The following TAF2 variants were observed in gnomAD, a reference collection of about 807,000 sequenced individuals.
TAF2 encodes the protein TATA-box binding protein associated factor 2.
TAF2 carries 61 observed loss-of-function variants against 138.5 expected under a neutral mutation model. That is an observed-to-expected ratio of 0.44 (90% CI 0.36 to 0.54). The LOEUF is 0.54. Ranked by LOEUF, TAF2 falls within the 20% of genes least tolerant of loss-of-function variation. The pLI is 0.00. For synonymous variants in TAF2, 475 were observed against 469.9 expected, an observed-to-expected ratio of 1.01 and a Z score of -0.14; for missense variants, 1,090 against 1,427.9, an observed-to-expected ratio of 0.76 and a Z score of 3.81.
intron 25 of TAF2, among the ~76,000 whole-genome samples, chr8:119,734,222 C>T (rs905660610): frequency 2.0e-5 from 3 of 151,970 alleles, no homozygotes; most frequent in African/African-American, 7.3e-5. Flanking sequence ...ACTGACAGTA[C>T]AAAAGATAAA....
chr8:119,773,092 CAA>C (rs34234495), intron 18 of TAF2, among the ~76,000 whole-genome samples: 34 of 135,786 alleles, frequency 2.5e-4, no homozygotes, highest in African/African-American at 6.0e-4. Flanking sequence ...TGGATTTTCT[CAA>C]AAAAAAAAAA....
chr8:119,788,979 T>G (rs980251847), intron 12 of TAF2, 75 bp from the exon 13 acceptor site: 2 of 1,024,488 alleles, frequency 2.0e-6, no homozygotes, highest in Non-Finnish European at 3.1e-6. Context: ...CATCATGGTA[T>G]TAATAATTTT....
chr8:119,800,209 G>A (rs1401720053), intron 6 of TAF2, among the ~76,000 whole-genome samples: 2 of 152,154 alleles, frequency 1.3e-5, no homozygotes, highest in Admixed American at 6.6e-5. Context: ...TAGATAAGAA[G>A]TCCTTGCCCA....
chr8:119,806,549 A>T, intron 3 of TAF2, 148 bp from the exon 4 acceptor site: 2 of 647,338 alleles, frequency 3.1e-6, no homozygotes, highest in African/African-American at 1.9e-5. Context: ...AACTCACTGC[A>T]ACCTCCACCT....
intron 2 of TAF2, among the ~76,000 whole-genome samples, chr8:119,828,796 T>C (rs897361821): frequency 1.3e-5 from 2 of 152,222 alleles, no homozygotes; most frequent in Non-Finnish European, 2.9e-5. Flanking sequence ...CTGTCATCTC[T>C]CACACTAACA....
Position 119,770,951 on chromosome 8 carries a change from G to A in TAF2, c.2364+7068C>T, listed in dbSNP as rs140449981. Reference sequence around the variant, plus strand: ...CTGGGCCTGGTGGCATGCACCTGTAGTCCCAGCTACACAGGAGGCTGAGGC... The same window carrying A: ...CTGGGCCTGGTGGCATGCACCTGTAATCCCAGCTACACAGGAGGCTGAGGC... On this transcript the variant is annotated intron_variant, in intron 18 of 25. Transcript: ENST00000378164. Among the ~76,000 whole-genome samples, 13 of 152,196 alleles carry A rather than the reference G, an allele frequency of 8.5e-5. No individual in the cohort carries two copies. The East Asian group carries it at 2.5e-3, about 30-fold the overall frequency.
At chr8:119,783,885 T>C (rs1188597540) in intron 15 of TAF2, among the ~76,000 whole-genome samples, 2 of 152,168 alleles carry the variant, frequency 1.3e-5, no homozygotes, top group South Asian at 4.1e-4. Flanking sequence ...AATAAGAAAA[T>C]ATTAATTGTC....
intron 3 of TAF2, among the ~76,000 whole-genome samples, chr8:119,807,969 C>T (rs562056986): frequency 3.6e-4 from 55 of 151,954 alleles, no homozygotes; most frequent in African/African-American, 1.2e-3. Context: ...ACATATTCTA[C>T]GGAATAATTA....
chr8:119,786,485 T>C (rs1016796791), intron 14 of TAF2, among the ~76,000 whole-genome samples: 1 of 152,062 alleles, frequency 6.6e-6, no homozygotes, highest in Non-Finnish European at 1.5e-5. Flanking sequence ...TCAAACAAAA[T>C]GAGGATTCTT....
At chr8:119,793,196 T>C (rs917964315) in intron 10 of TAF2, among the ~76,000 whole-genome samples, 170 bp downstream of exon 10, 1 of 152,192 alleles carries the variant, frequency 6.6e-6, no homozygotes, top group African/African-American at 2.4e-5. Context: ...ATTTTACTTA[T>C]TACTTCCAAT....
At chr8:119,743,292 C>A (rs1819728486) in intron 24 of TAF2, among the ~76,000 whole-genome samples, 2 of 147,798 alleles carry the variant, frequency 1.4e-5, no homozygotes, top group Admixed American at 6.7e-5. Flanking sequence ...TTAAAAAATT[C>A]AAAAAAGAAG....
rs752900575 is a variant in TAF2, at chr8:119,819,399, A to G, written c.246T>C (p.Ala82=). Residue 82 remains alanine (A), a synonymous_variant, in exon 3 of 26, where the codon GCT becomes GCC. Coordinates refer to ENST00000378164, the MANE Select transcript of TAF2 (RefSeq NM_003184.4). ...IYRVRINDLE[A]AFIYNDPTLE... ...AGGTTGGGTCATTATAAATAAAAGC[A>G]GCCTCTAAATCATTGATCCTTACTC... is the stretch of plus-strand genomic sequence containing the variant. The G allele has an allele frequency of 5.6e-6, 9 of 1,613,090 alleles. No individual in the cohort carries two copies. The highest frequency in any genetic ancestry group is 6.8e-6 in the Non-Finnish European group (8 of 1,179,686).
rs1202940029 is a variant in TAF2, at chr8:119,731,726, C to G, written c.*198G>C. The G allele has an allele frequency of 3.2e-6, 2 of 616,500 alleles. No homozygotes were observed. The highest frequency in any genetic ancestry group is 5.7e-6 in the Non-Finnish European group (2 of 351,766). 38.2% of individuals were successfully genotyped at this position (616,500 alleles called of 1,614,324 possible). ...AGCGGATGAAATAGTTTATCCAGAA[C>G]TACAAAACACATTTTCCTAATTAGA... On this transcript the variant is annotated 3_prime_UTR_variant, in exon 26 of 26. Coordinates refer to ENST00000378164, the MANE Select transcript of TAF2 (RefSeq NM_003184.4).
intron 3 of TAF2, among the ~76,000 whole-genome samples, chr8:119,817,511 T>G (rs1164367642): frequency 1.3e-5 from 2 of 152,168 alleles, no homozygotes; most frequent in African/African-American, 4.8e-5. Context: ...AACTGCTGAT[T>G]TAGAACACTA....
chr8:119,748,374 C>T (rs932937658), intron 22 of TAF2, among the ~76,000 whole-genome samples: 4 of 150,914 alleles, frequency 2.7e-5, no homozygotes, highest in Admixed American at 6.6e-5. Flanking sequence ...ATTAATTATA[C>T]GCAAATCTGC....
At chr8:119,783,774 AT>A in intron 15 of TAF2, 141 bp from the exon 16 acceptor site, 2 of 1,035,868 alleles carry the variant, frequency 1.9e-6, no homozygotes, top group Non-Finnish European at 2.7e-6. Context: ...TACTGTATTC[AT>A]TTTTTTAAAC....
chr8:119,820,946 A>G (rs1255623025), intron 2 of TAF2, among the ~76,000 whole-genome samples: 1 of 152,240 alleles, frequency 6.6e-6, no homozygotes, highest in Admixed American at 6.5e-5. Context: ...TCTGTCATCC[A>G]ATGACCATTC....
At chr8:119,748,328 T>C (rs972640929) in intron 22 of TAF2, among the ~76,000 whole-genome samples, 3 of 151,870 alleles carry the variant, frequency 2.0e-5, no homozygotes, top group Admixed American at 6.6e-5. Context: ...TATCAACTAA[T>C]AGTAATTCTT....
chr8:119,800,652 G>A (rs1426629534), intron 6 of TAF2, among the ~76,000 whole-genome samples: 1 of 152,156 alleles, frequency 6.6e-6, no homozygotes, highest in Non-Finnish European at 1.5e-5. Context: ...TTTAAAAAGA[G>A]TCATTGTTAA....
Sources: allele counts gnomAD v4.1 joint callset (sites outside exome capture counted in the v4.1 genomes callset), GRCh38; gene constraint gnomAD v4.1.1; transcripts MANE v1.5; gene names NCBI Gene and HGNC (gene_info 2026-07-23, HGNC 2026-07-21).